The following TXNDC16 variants were observed in gnomAD, a reference collection of about 807,000 sequenced individuals.
The protein encoded by TXNDC16 is thioredoxin domain-containing protein 16.
In TXNDC16, 74 loss-of-function variants were observed where a neutral mutation model predicts 85.6. That is an observed-to-expected ratio of 0.86 (90% CI 0.72 to 1.05). TXNDC16 has a LOEUF of 1.05. Ranked by LOEUF, TXNDC16 falls within the 50% of genes least tolerant of loss-of-function variation. The pLI, the probability that TXNDC16 is intolerant of heterozygous loss-of-function variation, is 0.00. For synonymous variants in TXNDC16, 335 were observed against 326.5 expected, an observed-to-expected ratio of 1.03 and a Z score of -0.28; for missense variants, 959 against 947.0, an observed-to-expected ratio of 1.01 and a Z score of -0.17.
At chr14:52,490,109 C>T (rs2036365633) in intron 11 of TXNDC16, among the ~76,000 whole-genome samples, 2 of 151,986 alleles carry the variant, frequency 1.3e-5, no homozygotes, top group Admixed American at 6.6e-5. Context: ...ATTACAGGCA[C>T]GAGCCACCAT....
At chr14:52,434,228 C>A (rs2034975856) in intron 20 of TXNDC16, among the ~76,000 whole-genome samples, 1 of 152,084 alleles carries the variant, frequency 6.6e-6, no homozygotes, top group East Asian at 1.9e-4. Context: ...TAGCATGTAG[C>A]AAATATTATA....
In TXNDC16 at chr14:52,482,163, G is replaced by A. The variant is rs570354132; in HGVS notation, c.1312+67C>T. ...ATGTGGTTTTCTATATTTTTTGCAT[G>A]ACATAGTTTTACAAATAGCTACAGC... On this transcript the variant is annotated intron_variant, in intron 14 of 20. Transcript: ENST00000281741. The A allele has an allele frequency of 7.7e-5, 107 of 1,392,234 alleles. 1 individual carries two copies. In the South Asian group the frequency reaches 1.4e-3, roughly 18 times the overall value. 86.2% of individuals were successfully genotyped at this position (1,392,234 alleles called of 1,614,324 possible). A position where few individuals can be genotyped will look rare whatever the true frequency, so the allele number is the denominator to read the frequency against.
At chr14:52,447,897 A>C (rs10438122) in intron 18 of TXNDC16, among the ~76,000 whole-genome samples, 2 of 152,186 alleles carry the variant, frequency 1.3e-5, no homozygotes, top group East Asian at 1.9e-4. Flanking sequence ...CAACTAAACT[A>C]ACATATGTAG....
rs563019009 is a variant in TXNDC16 at position 52,517,403 on chromosome 14, A to C, written c.514+1769T>G. 3.3e-5 allele frequency among the ~76,000 whole-genome samples: 5 copies of C among 152,278 alleles called. No individual in the cohort carries two copies. In the East Asian group the frequency reaches 9.6e-4, roughly 29 times the overall value. On this transcript the variant is annotated intron_variant, in intron 7 of 20. Transcript: ENST00000281741. ...CTGATATTAACTATTATTGCTGCCT[A>C]ACAACCATTCTTTATTTCCAGGCCT...
intron 14 of TXNDC16, among the ~76,000 whole-genome samples, chr14:52,477,969 T>A (rs1033407549): frequency 2.0e-5 from 3 of 152,194 alleles, no homozygotes. Flanking sequence ...ATTGAAATTA[T>A]ATCAAGTACT....
chr14:52,516,044 A>G (rs566999333), intron 7 of TXNDC16, among the ~76,000 whole-genome samples: 1 of 152,160 alleles, frequency 6.6e-6, no homozygotes, highest in Admixed American at 6.5e-5. Flanking sequence ...AACTCTCTCA[A>G]TACTTCAAAT....
intron 8 of TXNDC16, among the ~76,000 whole-genome samples, chr14:52,513,288 A>C (rs2036998787): frequency 6.6e-6 from 1 of 152,170 alleles, no homozygotes; most frequent in South Asian, 2.1e-4. Context: ...GCATTCAATA[A>C]ATATTTGCTG....
intron 6 of TXNDC16, among the ~76,000 whole-genome samples, chr14:52,523,162 G>A (rs1384229889): frequency 1.3e-5 from 2 of 152,168 alleles, no homozygotes; most frequent in African/African-American, 4.8e-5. Flanking sequence ...ATGGGTTAAA[G>A]GAAAAGTCTC....
chr14:52,503,736 A>G (rs1261408759), intron 9 of TXNDC16, among the ~76,000 whole-genome samples: 1 of 152,232 alleles, frequency 6.6e-6, no homozygotes, highest in Admixed American at 6.5e-5. Context: ...AATGACTTTC[A>G]TGAGTTGAGA....
intron 4 of TXNDC16, among the ~76,000 whole-genome samples, chr14:52,539,831 T>A (rs912063153): frequency 6.6e-5 from 10 of 152,190 alleles, no homozygotes; most frequent in Non-Finnish European, 1.2e-4. Context: ...GTATAATATA[T>A]CTTTTTTTTC....
chr14:52,491,197 T>A (rs1417629706), intron 9 of TXNDC16, among the ~76,000 whole-genome samples, 192 bp from the exon 10 acceptor site: 2 of 152,056 alleles, frequency 1.3e-5, no homozygotes, highest in African/African-American at 4.8e-5. Context: ...TTTGTTTGTT[T>A]TTTGAGACAG....
intron 4 of TXNDC16, among the ~76,000 whole-genome samples, chr14:52,542,066 A>G (rs1315644382): frequency 6.6e-6 from 1 of 152,196 alleles, no homozygotes; most frequent in Admixed American, 6.5e-5. Flanking sequence ...TAGGCAAAAC[A>G]AAACAGAACA....
intron 9 of TXNDC16, among the ~76,000 whole-genome samples, chr14:52,492,153 C>CA (rs2036422169): frequency 6.6e-6 from 1 of 152,184 alleles, no homozygotes; most frequent in Admixed American, 6.5e-5. Context: ...GAACAGTTGA[C>CA]AGTGTGGACA....
intron 8 of TXNDC16, among the ~76,000 whole-genome samples, chr14:52,514,343 A>G (rs1329568322): frequency 6.6e-6 from 1 of 152,182 alleles, no homozygotes; most frequent in Non-Finnish European, 1.5e-5. Context: ...TTTCCTGAAG[A>G]GCATTTTGAA....
chr14:52,503,861 A>G (rs1011750788), intron 9 of TXNDC16, among the ~76,000 whole-genome samples: 31 of 152,204 alleles, frequency 2.0e-4, no homozygotes, highest in Middle Eastern at 3.2e-3. Context: ...TAGAATAACC[A>G]ATGCAGAGAA....
intron 9 of TXNDC16, among the ~76,000 whole-genome samples, chr14:52,505,121 G>A (rs1056967918): frequency 7.2e-5 from 11 of 152,040 alleles, no homozygotes; most frequent in Non-Finnish European, 1.2e-4. Context: ...CAATAATAAT[G>A]GGAGACTTTA....
chr14:52,529,572 TATAA>T (rs2037430675), intron 6 of TXNDC16, among the ~76,000 whole-genome samples: 5 of 93,344 alleles, frequency 5.4e-5, no homozygotes, highest in African/African-American at 1.9e-4. Context: ...GCCTATTATA[TATAA>T]TATATATAAT....
At position 52,432,526 on chromosome 14, in the gene TXNDC16, T is replaced by C; in HGVS notation, c.2256A>G (p.Ile752Met). ...TGCCACGTTGAGATGTTGCGGCATC[T>C]ATCATACTTAGAAAATCATAAGCTG... ...PLPAYDFLSMIDAATSQRGTR... is the reference protein window; with the variant it reads ...PLPAYDFLSMMDAATSQRGTR... The change falls in exon 21 of 21, where the codon ATA becomes ATG. Residue 752 changes from isoleucine to methionine, a missense_variant. Coordinates refer to ENST00000281741, the MANE Select transcript of TXNDC16 (RefSeq NM_020784.3). 6.2e-7 allele frequency: 1 copy of C among 1,613,448 alleles called. No homozygotes were observed. The highest frequency in any genetic ancestry group is 8.5e-7 in the Non-Finnish European group (1 of 1,179,794).
chr14:52,431,905 G>C lies in TXNDC16; in HGVS notation c.*399C>G, dbSNP rs1260629256. 6.3e-6 allele frequency: 1 copy of C among 158,586 alleles called. No homozygotes were observed. Among genetic ancestry groups the C allele is most frequent in the Non-Finnish European group, 1.4e-5 (1 of 72,840 alleles). The allele number at this position is 158,586 out of a possible 1,614,324, so 9.8% of individuals were successfully genotyped here. ...AGTTAATTATGCTAGTTTTTGTCTAGTACTGAACTGTCCAATACAGTAGTC... is the reference window on the plus strand; with the variant it reads ...AGTTAATTATGCTAGTTTTTGTCTACTACTGAACTGTCCAATACAGTAGTC... On this transcript the variant is annotated 3_prime_UTR_variant, in exon 21 of 21. Transcript: ENST00000281741.
Sources: allele counts gnomAD v4.1 joint callset (sites outside exome capture counted in the v4.1 genomes callset), GRCh38; gene constraint gnomAD v4.1.1; transcripts MANE v1.5; gene names NCBI Gene and HGNC (gene_info 2026-07-23, HGNC 2026-07-21).